Variants in HLCS observed in about 807,000 individuals in gnomAD.
The protein encoded by HLCS is biotin--protein ligase.
Under a neutral mutation model 75.0 loss-of-function variants are expected in HLCS, and 53 were observed. The ratio of observed to expected loss-of-function variants is 0.71; its 90% CI spans 0.57 to 0.89. The LOEUF is 0.89. HLCS is among the 40% of genes least tolerant of loss of function. The pLI, the probability that HLCS is intolerant of heterozygous loss-of-function variation, is 0.00. For synonymous variants in HLCS, 431 were observed against 428.6 expected (o/e 1.01, Z -0.07); for missense variants, 966 against 1,074.0 (o/e 0.90, Z 1.41).
intron 6 of HLCS, among the ~76,000 whole-genome samples, chr21:36,862,441 T>C (rs940376780): frequency 1.3e-5 from 2 of 152,210 alleles, no homozygotes; most frequent in African/African-American, 4.8e-5. Flanking sequence ...TCCACATCCT[T>C]GCGAATACTT....
At position 36,937,404 on chromosome 21, in the gene HLCS, A is replaced by G. The variant is rs2066945684; in HGVS notation, c.494-12T>C. 6.2e-7 allele frequency: 1 copy of G among 1,605,938 alleles called. No individual in the cohort carries two copies. The highest frequency in any genetic ancestry group is 8.5e-7 in the Non-Finnish European group (1 of 1,173,378). On this transcript the variant is annotated splice_polypyrimidine_tract_variant and intron_variant, in intron 3 of 10. Coordinates refer to ENST00000674895, the MANE Select transcript of HLCS (RefSeq NM_001352514.2). Reference sequence around the variant, plus strand: ...CTGCAAGTGCACCGCTAAGGCATGAATAGGAGAGAGAGACAGAAAATTAAT... The same window carrying G: ...CTGCAAGTGCACCGCTAAGGCATGAGTAGGAGAGAGAGACAGAAAATTAAT...
At position 36,965,791 on chromosome 21, in the gene HLCS, G is replaced by A. The variant is rs578054238; in HGVS notation, c.195+653C>T. On this transcript the variant is annotated intron_variant, in intron 1 of 10. Coordinates refer to ENST00000674895, the MANE Select transcript of HLCS (RefSeq NM_001352514.2). ...TTGTCACCCAGACTGGAGTGCAATG[G>A]CTCAATCATAGCTCACTGTAGCTTC... is the stretch of plus-strand genomic sequence containing the variant. 2.6e-5 allele frequency among the ~76,000 whole-genome samples: 4 copies of A among 151,482 alleles called. No homozygotes were observed. In the South Asian group the frequency reaches 8.4e-4, roughly 32 times the overall value.
chr21:36,960,064 C>T (rs1430510018), intron 2 of HLCS, among the ~76,000 whole-genome samples: 3 of 151,564 alleles, frequency 2.0e-5, no homozygotes, highest in Admixed American at 2.0e-4. Flanking sequence ...TGTCCAGACA[C>T]AGGTGCCCAC....
chr21:36,941,889 C>G (rs1175574671), intron 2 of HLCS, among the ~76,000 whole-genome samples: 2 of 152,246 alleles, frequency 1.3e-5, no homozygotes, highest in East Asian at 3.9e-4. Flanking sequence ...TGCCTGTAAT[C>G]CCAGCTACTC....
chr21:36,925,270 G>A (rs573071294), intron 5 of HLCS, among the ~76,000 whole-genome samples: 6 of 152,272 alleles, frequency 3.9e-5, no homozygotes, highest in South Asian at 2.1e-4. Flanking sequence ...TCTTGTGACA[G>A]CTACATCTTG....
chr21:36,753,261 G>A lies in HLCS; in HGVS notation c.*985C>T, dbSNP rs886057071. The A allele has an allele frequency of 6.6e-6, 1 of 152,490 alleles. No individual in the cohort carries two copies. Among genetic ancestry groups the A allele is most frequent in the African/African-American group, 2.4e-5 (1 of 41,432 alleles). 9.4% of individuals were successfully genotyped at this position (152,490 alleles called of 1,614,324 possible). ...TCTTGGTAATACGAGGTAAATGAGG[G>A]GGGCAAAAACTTATGACTTCTGAGT... On this transcript the variant is annotated 3_prime_UTR_variant, in exon 11 of 11. Coordinates refer to ENST00000674895, the MANE Select transcript of HLCS (RefSeq NM_001352514.2). The surrounding 1 kb of genome is among the most constrained non-coding windows in gnomAD (Gnocchi z 4.3).
At chr21:36,916,774 T>C (rs1264426439) in intron 5 of HLCS, among the ~76,000 whole-genome samples, 1 of 152,076 alleles carries the variant, frequency 6.6e-6, no homozygotes, top group Admixed American at 6.6e-5. Flanking sequence ...CCCTGTAGGG[T>C]GATACACAGC....
At chr21:36,959,573 G>A (rs866660558) in intron 2 of HLCS, among the ~76,000 whole-genome samples, 18 of 152,230 alleles carry the variant, frequency 1.2e-4, no homozygotes, top group African/African-American at 3.9e-4. Context: ...GGTGAAGCCT[G>A]TGGCCCAGAG....
chr21:36,929,905 AT>A, intron 5 of HLCS, among the ~76,000 whole-genome samples: 1 of 152,328 alleles, frequency 6.6e-6, no homozygotes, highest in South Asian at 2.1e-4. Context: ...TGTTCCAAAG[AT>A]TTGCTGAAAG....
At chr21:36,969,977 C>T (rs1292458435), upstream of HLCS, among the ~76,000 whole-genome samples, 1 of 152,204 alleles carries the variant, frequency 6.6e-6, no homozygotes, top group Non-Finnish European at 1.5e-5. Context: ...AACCCATCAA[C>T]ATGACCGGCT....
At chr21:36,934,713 C>A (rs2066800547) in intron 4 of HLCS, among the ~76,000 whole-genome samples, 1 of 152,158 alleles carries the variant, frequency 6.6e-6, no homozygotes, top group South Asian at 2.1e-4. Flanking sequence ...ACTTTACCTC[C>A]TCTTATTGGG....
chr21:36,878,956 T>C (rs1005445955), intron 6 of HLCS, among the ~76,000 whole-genome samples: 3 of 149,594 alleles, frequency 2.0e-5, no homozygotes, highest in African/African-American at 7.4e-5. Context: ...CTCTAAGCTA[T>C]AGCTTCCCCC....
chr21:36,955,420 T>A (rs1408431537), intron 2 of HLCS, among the ~76,000 whole-genome samples: 1 of 152,306 alleles, frequency 6.6e-6, no homozygotes, highest in Admixed American at 6.5e-5. Flanking sequence ...TAGCAATTTG[T>A]ATGTTCACAA....
At chr21:36,862,277 CCT>C (rs2063405830) in intron 6 of HLCS, among the ~76,000 whole-genome samples, 1 of 152,112 alleles carries the variant, frequency 6.6e-6, no homozygotes, top group South Asian at 2.1e-4. Flanking sequence ...TTTGTGTGGA[CCT>C]CTGTTTTCAT....
intron 6 of HLCS, among the ~76,000 whole-genome samples, chr21:36,872,141 G>A (rs560801565): frequency 6.6e-6 from 1 of 152,128 alleles, no homozygotes; most frequent in South Asian, 2.1e-4. Flanking sequence ...ACTTCAGCTG[G>A]GCTGGGCGCG....
intron 6 of HLCS, among the ~76,000 whole-genome samples, chr21:36,867,191 C>T (rs963523773): frequency 9.9e-5 from 15 of 152,112 alleles, no homozygotes; most frequent in African/African-American, 2.9e-4. Flanking sequence ...CAGAGTTCCT[C>T]GATGGGCGTT....
chr21:36,931,992 G>A (rs2066668627), intron 4 of HLCS, among the ~76,000 whole-genome samples: 1 of 152,082 alleles, frequency 6.6e-6, no homozygotes, highest in Non-Finnish European at 1.5e-5. Context: ...GCGTCTACAT[G>A]GTCCTGATCT....
At chr21:36,895,609 C>T (rs1430570076) in intron 6 of HLCS, among the ~76,000 whole-genome samples, 2 of 152,218 alleles carry the variant, frequency 1.3e-5, no homozygotes, top group South Asian at 2.1e-4. Flanking sequence ...CATACTAACA[C>T]TGTCATTCTG....
chr21:36,778,704 C>A (rs1022328691), intron 6 of HLCS, among the ~76,000 whole-genome samples: 1 of 152,140 alleles, frequency 6.6e-6, no homozygotes, highest in Non-Finnish European at 1.5e-5. Flanking sequence ...TATTATTTAT[C>A]TTTTAATTTA....
Sources: gnomAD v4.1 joint callset for allele counts (sites outside exome capture counted in the v4.1 genomes callset) on GRCh38, gnomAD v4.1.1 for gene constraint, Gnocchi (gnomAD v3.1) non-coding constraint, MANE v1.5 for transcripts, NCBI Gene and HGNC (gene_info 2026-07-23, HGNC 2026-07-21) for gene names.